Variants in PIK3R1 observed in about 807,000 individuals in gnomAD.
The protein encoded by PIK3R1 is phosphatidylinositol 3-kinase regulatory subunit alpha.
A neutral mutation model predicts 98.0 loss-of-function variants in PIK3R1; 29 were observed. That is an observed-to-expected ratio of 0.30 (90% CI 0.22 to 0.40). PIK3R1 has a LOEUF of 0.40. PIK3R1 is among the 10% of genes least tolerant of loss of function. The pLI, the probability that PIK3R1 is intolerant of heterozygous loss-of-function variation, is 1.00. For synonymous variants in PIK3R1, 282 were observed against 311.8 expected, an observed-to-expected ratio of 0.90 and a Z score of 1.01; for missense variants, 596 against 872.7, an observed-to-expected ratio of 0.68 and a Z score of 3.99.
intron 15 of PIK3R1, among the ~76,000 whole-genome samples, 179 bp downstream of exon 15, chr5:68,296,520 A>C (rs924385270): frequency 1.3e-5 from 2 of 152,230 alleles, no homozygotes; most frequent in Non-Finnish European, 2.9e-5. Flanking sequence ...TCTAGCCAGA[A>C]GTGTATGTTA....
chr5:68,228,589 T>A (rs533307753), intron 2 of PIK3R1, among the ~76,000 whole-genome samples: 1 of 152,222 alleles, frequency 6.6e-6, no homozygotes, highest in African/African-American at 2.4e-5. Flanking sequence ...ATCGTTTTTC[T>A]CCACCAAGTT....
Position 68,298,453 on chromosome 5 carries a change from A to G in PIK3R1, c.*852A>G. On this transcript the variant is annotated 3_prime_UTR_variant, in exon 16 of 16. Coordinates refer to ENST00000521381, the MANE Select transcript of PIK3R1 (RefSeq NM_181523.3). Reference sequence around the variant, plus strand: ...AAGTTGTTATTTCAGTTTTAAATGTACCTTCAGAATAAGCTTCCCCACCCC... The same window carrying G: ...AAGTTGTTATTTCAGTTTTAAATGTGCCTTCAGAATAAGCTTCCCCACCCC... 1 of 233,364 alleles carries G rather than the reference A, an allele frequency of 4.3e-6. No individual in the cohort carries two copies. The highest frequency in any genetic ancestry group is 6.1e-5 in the East Asian group (1 of 16,482). The allele number at this position is 233,364 out of a possible 1,614,324, so 14.5% of individuals were successfully genotyped here.
In PIK3R1 at chr5:68,300,704, G is replaced by A. The variant is rs541675327; in HGVS notation, c.*3103G>A. On this transcript the variant is annotated 3_prime_UTR_variant, in exon 16 of 16. Coordinates refer to ENST00000521381, the MANE Select transcript of PIK3R1 (RefSeq NM_181523.3). Reference sequence around the variant, plus strand: ...GATCCACAGTAGTTGTTGAGTTCAAGTACATAAAGTACATAACAAGCGAAC... The same window carrying A: ...GATCCACAGTAGTTGTTGAGTTCAAATACATAAAGTACATAACAAGCGAAC... The A allele has an allele frequency of 4.3e-5, 10 of 233,260 alleles. No individual in the cohort carries two copies. The Admixed American group carries it at 5.6e-4, about 13-fold the overall frequency. The allele number at this position is 233,260 out of a possible 1,614,324, so 14.4% of individuals were successfully genotyped here.
At chr5:68,235,045 T>G (rs1171404312) in intron 2 of PIK3R1, among the ~76,000 whole-genome samples, 2 of 152,202 alleles carry the variant, frequency 1.3e-5, no homozygotes, top group Admixed American at 1.3e-4. Context: ...AGATATAATA[T>G]GTTAACTTTT....
intron 2 of PIK3R1, among the ~76,000 whole-genome samples, chr5:68,268,459 A>G (rs1471496563): frequency 2.0e-5 from 3 of 152,234 alleles, no homozygotes; most frequent in Admixed American, 6.5e-5. Context: ...TAAGAAAAGA[A>G]TTGGGATTAG....
chr5:68,235,000 C>G (rs1205562166), intron 2 of PIK3R1, among the ~76,000 whole-genome samples: 1 of 152,134 alleles, frequency 6.6e-6, no homozygotes, highest in Non-Finnish European at 1.5e-5. Context: ...TTCAGAACTA[C>G]TCAAGGGTGT....
chr5:68,224,809 T>C (rs996261093), intron 1 of PIK3R1, among the ~76,000 whole-genome samples: 1 of 152,248 alleles, frequency 6.6e-6, no homozygotes, highest in African/African-American at 2.4e-5. Flanking sequence ...AAAGTGTATA[T>C]GTGTACATGC....
At chr5:68,282,118 C>T (rs34304) in intron 7 of PIK3R1, among the ~76,000 whole-genome samples, 50,048 of 151,930 alleles carry the variant, frequency 0.33, 9,854 homozygotes, top group Non-Finnish European at 0.43. Flanking sequence ...TGGGATGTTC[C>T]AAATCACAGC....
At chr5:68,230,266 C>T (rs1375769532) in intron 2 of PIK3R1, among the ~76,000 whole-genome samples, 3 of 152,202 alleles carry the variant, frequency 2.0e-5, no homozygotes, top group Non-Finnish European at 2.9e-5. Context: ...ATATCGTTTA[C>T]TTATTACGTT....
intron 2 of PIK3R1, among the ~76,000 whole-genome samples, chr5:68,231,442 G>C (rs952120801): frequency 6.6e-6 from 1 of 152,206 alleles, no homozygotes; most frequent in Non-Finnish European, 1.5e-5. Context: ...TAAACAGAAA[G>C]AAAAAGGCCA....
At chr5:68,219,650 A>G (rs554000661) in intron 1 of PIK3R1, among the ~76,000 whole-genome samples, 1 of 152,232 alleles carries the variant, frequency 6.6e-6, no homozygotes, top group East Asian at 1.9e-4. Flanking sequence ...CAAAGTCCAC[A>G]CTCAGCCTTT....
intron 2 of PIK3R1, among the ~76,000 whole-genome samples, chr5:68,232,191 TA>T (rs1166285752): frequency 6.6e-6 from 1 of 152,262 alleles, no homozygotes; most frequent in African/African-American, 2.4e-5. Context: ...ATTTGCATAT[TA>T]AATTACTTAT....
chr5:68,253,812 G>A (rs1436123450), intron 2 of PIK3R1, among the ~76,000 whole-genome samples: 2 of 152,064 alleles, frequency 1.3e-5, no homozygotes, highest in African/African-American at 4.8e-5. Context: ...TAAATTAAAT[G>A]CATGCTTCAT....
At position 68,293,747 on chromosome 5, in the gene PIK3R1, G is replaced by C. The variant is rs2112262985; in HGVS notation, c.1338G>C (p.Gly446=). 6.6e-7 allele frequency: 1 copy of C among 1,522,368 alleles called. No homozygotes were observed. Among genetic ancestry groups the C allele is most frequent in the Admixed American group, 1.8e-5 (1 of 55,076 alleles). 94.3% of individuals were successfully genotyped at this position (1,522,368 alleles called of 1,614,324 possible). ...VVKEDNIEAV[G]KKLHEYNTQF... ...AAGAAGATAATATTGAAGCTGTAGGGAAAAAATTACATGAATATAACACTC... is the reference window on the plus strand; with the variant it reads ...AAGAAGATAATATTGAAGCTGTAGGCAAAAAATTACATGAATATAACACTC... The change falls in exon 11 of 16, where the codon GGG becomes GGC. Residue 446 remains glycine, a synonymous_variant. Transcript: ENST00000521381.
Position 68,253,296 on chromosome 5 carries a change from C to T in PIK3R1, c.335-20094C>T, listed in dbSNP as rs556604634. Among the ~76,000 whole-genome samples, 11 of 152,254 alleles carry T rather than the reference C, an allele frequency of 7.2e-5. 1 individual carries two copies. The highest frequency in any genetic ancestry group is 2.6e-4 in the African/African-American group (11 of 41,534). The stretch of plus-strand genomic sequence containing the variant: ...CATGACACTTATCCTACATTTCAGA[C>T]AAGGATTTATGTGTCCCATAGGATT... On this transcript the variant is annotated intron_variant, in intron 2 of 15. Coordinates refer to ENST00000521381, the MANE Select transcript of PIK3R1 (RefSeq NM_181523.3).
At position 68,298,876 on chromosome 5, in the gene PIK3R1, A is replaced by G. The variant is rs1433113561; in HGVS notation, c.*1275A>G. On this transcript the variant is annotated 3_prime_UTR_variant, in exon 16 of 16. Transcript: ENST00000521381. ...GAACTTCTTGAATCTAGGGAGGGGGAATGTAGTGAAGGGATGTATCAAGTG... is the reference window on the plus strand; with the variant it reads ...GAACTTCTTGAATCTAGGGAGGGGGGATGTAGTGAAGGGATGTATCAAGTG... 4.3e-6 allele frequency: 1 copy of G among 232,336 alleles called. No individual in the cohort carries two copies. Among genetic ancestry groups the G allele is most frequent in the Admixed American group, 5.7e-5 (1 of 17,664 alleles). The allele number at this position is 232,336 out of a possible 1,614,324, so 14.4% of individuals were successfully genotyped here.
chr5:68,301,166 A>G lies in PIK3R1; in HGVS notation c.*3565A>G, dbSNP rs1268808787. 4.5e-6 allele frequency: 1 copy of G among 223,806 alleles called. No homozygotes were observed. The highest frequency in any genetic ancestry group is 2.2e-5 in the African/African-American group (1 of 44,672). The allele number at this position is 223,806 out of a possible 1,614,324, so 13.9% of individuals were successfully genotyped here. ...TTTAGAAAGGGGCAGTTTAAAGCAC[A>G]ATGTCTCACATGGGACAAAGTTCCA... On this transcript the variant is annotated 3_prime_UTR_variant, in exon 16 of 16. Coordinates refer to ENST00000521381, the MANE Select transcript of PIK3R1 (RefSeq NM_181523.3).
intron 7 of PIK3R1, chr5:68,288,493 C>A: frequency 1.5e-6 from 2 of 1,311,516 alleles, no homozygotes; most frequent in Non-Finnish European, 1.9e-6. Flanking sequence ...CACTGCCGGG[C>A]GGGGCGTGGG....
chr5:68,223,109 A>G (rs1744149145), intron 1 of PIK3R1, among the ~76,000 whole-genome samples: 1 of 141,420 alleles, frequency 7.1e-6, no homozygotes, highest in African/African-American at 2.8e-5. Flanking sequence ...TGGGAGCTAT[A>G]TGTGTACAAA....
Sources: allele counts gnomAD v4.1 joint callset (sites outside exome capture counted in the v4.1 genomes callset), GRCh38; gene constraint gnomAD v4.1.1; transcripts MANE v1.5; gene names NCBI Gene and HGNC (gene_info 2026-07-23, HGNC 2026-07-21).